TOP1MT: variants seen among roughly 807,000 people sequenced by gnomAD.
TOP1MT encodes the protein DNA topoisomerase I, mitochondrial.
Under a neutral mutation model 73.9 loss-of-function variants are expected in TOP1MT, and 80 were observed. The ratio of observed to expected loss-of-function variants is 1.08; its 90% confidence interval spans 0.90 to 1.30. The LOEUF is 1.30. TOP1MT is among the 50% of genes most tolerant of loss of function. The pLI is 0.00. For synonymous variants in TOP1MT, 338 were observed against 326.4 expected (o/e 1.04, Z -0.38); for missense variants, 815 against 808.0 (o/e 1.01, Z -0.10).
intron 2 of TOP1MT, among the ~76,000 whole-genome samples, chr8:143,342,178 T>TTAA (rs1817106849): frequency 9.5e-6 from 1 of 105,252 alleles, no homozygotes; most frequent in Admixed American, 9.3e-5. Context: ...TCTGTTATTA[T>TTAA]TAGAGACAGT....
chr8:143,311,613 C>T (rs1816016653), intron 12 of TOP1MT, among the ~76,000 whole-genome samples: 1 of 151,940 alleles, frequency 6.6e-6, no homozygotes, highest in Admixed American at 6.6e-5. Flanking sequence ...AGGCATGGTG[C>T]CGTGCACCTG....
At position 143,316,068 on chromosome 8, in the gene TOP1MT, G is replaced by A; in HGVS notation, c.1389C>T (p.Ala463=). The change falls in exon 11 of 14, where the codon GCC becomes GCT. Residue 463 remains alanine (A), a synonymous_variant. Transcript: ENST00000329245. The part of the protein sequence containing the change: ...LSYNRANRVV[A]ILCNHQRATP... ...TTGCTCGCTGATGGTTGCAGAGAAT[G>A]GCCACGACTCGGTTGGCTCGGTTGT... 12 of 1,614,142 alleles carry A rather than the reference G, an allele frequency of 7.4e-6. No homozygotes were observed. The highest frequency in any genetic ancestry group is 1.0e-5 in the Non-Finnish European group (12 of 1,179,986).
At chr8:143,358,941 G>A (rs545796719), upstream of TOP1MT, among the ~76,000 whole-genome samples, 11 of 152,136 alleles carry the variant, frequency 7.2e-5, no homozygotes, top group Non-Finnish European at 1.5e-4. Context: ...ATATTCCTGG[G>A]TGTGATATGC....
At chr8:143,328,482 C>G (rs927980423) in intron 3 of TOP1MT, among the ~76,000 whole-genome samples, 12 of 152,230 alleles carry the variant, frequency 7.9e-5, no homozygotes, top group African/African-American at 2.9e-4. Flanking sequence ...CAAACCACAC[C>G]CACGGCGAGG....
chr8:143,321,913 C>T (rs531264300), intron 7 of TOP1MT, among the ~76,000 whole-genome samples: 1,119 of 71,780 alleles, frequency 0.016, 13 homozygotes, highest in African/African-American at 0.047. Context: ...CACACACAGG[C>T]ACGCCACACA....
chr8:143,342,878 G>A (rs1000264820), intron 2 of TOP1MT, among the ~76,000 whole-genome samples: 7 of 150,808 alleles, frequency 4.6e-5, no homozygotes, highest in Non-Finnish European at 7.4e-5. Context: ...TCTGCCTCCC[G>A]GGTTCAAGCG....
At position 143,321,335 on chromosome 8, in the gene TOP1MT, C is replaced by T. The variant is rs114379623; in HGVS notation, c.1012G>A (p.Val338Met). The change falls in exon 8 of 14, where the codon GTG becomes ATG. Residue 338 changes from valine to methionine, a missense_variant. By Grantham distance (21) the Val-to-Met change is conservative. This residue lies in a region of TOP1MT where 751 missense variants were observed against 725.4 expected (regional missense o/e 1.04). Transcript: ENST00000329245. ...TCCACGCGGAGGGAACAGCAGCCCA[C>T]GGTGTCGGCCGCCTCACCGTCCTCC... ...EKEDGEAADT[V>M]GCCSLRVEHV... 3.1e-6 allele frequency: 5 copies of T among 1,601,036 alleles called. No homozygotes were observed. Among genetic ancestry groups the T allele is most frequent in the East Asian group, 2.2e-5 (1 of 44,580 alleles).
chr8:143,335,045 TC>T, upstream of TOP1MT: 2 of 568,046 alleles, frequency 3.5e-6, no homozygotes, highest in Non-Finnish European at 2.4e-6. Flanking sequence ...CCTGCCGGCC[TC>T]CCCCTGGTTT....
At chr8:143,318,126 C>A (rs1471310360) in intron 8 of TOP1MT, 40 bp from the exon 9 acceptor site, 1 of 1,599,704 alleles carries the variant, frequency 6.3e-7, no homozygotes, top group Non-Finnish European at 8.6e-7. Flanking sequence ...CAGAAAAAAC[C>A]CGAATCCAGT....
At position 143,341,155 on chromosome 8, in the gene TOP1MT, G is replaced by A. The variant is rs775617547; in HGVS notation, c.29+2065C>T. On this transcript the variant is annotated intron_variant, in intron 2 of 5. Coordinates refer to the TOP1MT transcript ENST00000518007. This position sits in a 1 kb window ranked among gnomAD's most constrained non-coding sequence, Gnocchi z 4.1. ...CCCGCCACCCTCTTCTCGTGCTGCC[G>A]CCCCAGTGCATCTCCCCACACGTTT... Among the ~76,000 whole-genome samples the A allele has an allele frequency of 4.5e-4, 69 of 152,020 alleles. No individual in the cohort carries two copies. Among genetic ancestry groups the A allele is most frequent in the Non-Finnish European group, 8.5e-4 (58 of 68,004 alleles).
intron 8 of TOP1MT, among the ~76,000 whole-genome samples, chr8:143,319,893 A>T (rs1288371049): frequency 6.6e-6 from 1 of 151,290 alleles, no homozygotes; most frequent in African/African-American, 2.4e-5. Flanking sequence ...TGGAAGGCTG[A>T]GGCAGGTAGA....
chr8:143,317,735 C>A lies in TOP1MT; in HGVS notation c.1318G>T (p.Ala440Ser). The change falls in exon 10 of 14, where the codon GCC becomes TCC. Residue 440 changes from alanine to serine, a missense_variant. Around this residue, in one of 3 missense-constraint regions of TOP1MT, gnomAD observed 751 missense variants for 725.4 expected, o/e 1.04. Transcript: ENST00000329245. ...ASITLQEQLRALTRAEDSIAA... is the reference protein window; with the variant it reads ...ASITLQEQLRSLTRAEDSIAA... ...GGGGCAGGCTCACCGCGCGTCAGGGCCCGCAGCTGCTCCTGCAGAGTGATG... is the reference window on the plus strand; with the variant it reads ...GGGGCAGGCTCACCGCGCGTCAGGGACCGCAGCTGCTCCTGCAGAGTGATG... 6.2e-7 allele frequency: 1 copy of A among 1,613,756 alleles called. No individual in the cohort carries two copies. Among genetic ancestry groups the A allele is most frequent in the Non-Finnish European group, 8.5e-7 (1 of 1,179,918 alleles).
chr8:143,331,511 G>T (rs1271811338), intron 1 of TOP1MT, among the ~76,000 whole-genome samples, 172 bp from the exon 2 acceptor site: 1 of 152,156 alleles, frequency 6.6e-6, no homozygotes, highest in Non-Finnish European at 1.5e-5. Flanking sequence ...CCTGACCTCA[G>T]ACCCCATGCC....
chr8:143,324,299 T>G (rs1356942686), intron 6 of TOP1MT, among the ~76,000 whole-genome samples, 157 bp from the exon 7 acceptor site: 7 of 152,216 alleles, frequency 4.6e-5, no homozygotes. Context: ...ATGCCGGCAG[T>G]GAGCACCCAT....
upstream of TOP1MT, among the ~76,000 whole-genome samples, chr8:143,356,764 C>G (rs1450923045): frequency 9.8e-6 from 1 of 102,222 alleles, no homozygotes; most frequent in Admixed American, 1.5e-4. Flanking sequence ...CCAGCCTGGG[C>G]AACAGAGTGA....
In TOP1MT at chr8:143,309,408, C is replaced by T. The variant is rs1413499340; in HGVS notation, c.*33G>A. 1.9e-6 allele frequency: 3 copies of T among 1,602,880 alleles called. No homozygotes were observed. Among genetic ancestry groups the T allele is most frequent in the Non-Finnish European group, 2.6e-6 (3 of 1,172,540 alleles). On this transcript the variant is annotated 3_prime_UTR_variant, in exon 14 of 14. Coordinates refer to ENST00000329245, the MANE Select transcript of TOP1MT (RefSeq NM_052963.3). ...GCTTTAATAGTGAAAAAAACACACA[C>T]ACATACAAAAGAAGTTTCAACACGG...
intron 2 of TOP1MT, among the ~76,000 whole-genome samples, chr8:143,342,229 ATTATT>A (rs1817110304): frequency 2.0e-5 from 2 of 101,590 alleles, no homozygotes. Context: ...GTCTCGCTCT[ATTATT>A]ATTATTATTA....
Position 143,342,820 on chromosome 8 carries a change from T to C in TOP1MT, c.29+400A>G, listed in dbSNP as rs930734248. On this transcript the variant is annotated intron_variant, in intron 2 of 5. Coordinates refer to the TOP1MT transcript ENST00000518007. ...TATTATTAGAGACAGAGTCTCGCTCTGTCACCCAGGCTGGAGTGCAGTGGC... is the reference window on the plus strand; with the variant it reads ...TATTATTAGAGACAGAGTCTCGCTCCGTCACCCAGGCTGGAGTGCAGTGGC... 7.2e-5 allele frequency among the ~76,000 whole-genome samples: 7 copies of C among 97,294 alleles called. 1 individual carries two copies. Among genetic ancestry groups the C allele is most frequent in the Non-Finnish European group, 1.2e-4 (5 of 41,068 alleles). 63.8% of individuals were successfully genotyped at this position (97,294 alleles called of 152,430 possible). A position where few individuals can be genotyped will look rare whatever the true frequency, so the allele number is the denominator to read the frequency against.
intron 12 of TOP1MT, among the ~76,000 whole-genome samples, chr8:143,312,006 T>C (rs967267167): frequency 6.6e-6 from 1 of 152,102 alleles, no homozygotes; most frequent in African/African-American, 2.4e-5. Context: ...AGCCCAGGCC[T>C]AGATGGTTTC....
Sources: gnomAD v4.1 joint callset for allele counts (sites outside exome capture counted in the v4.1 genomes callset) on GRCh38, gnomAD v4.1.1 for gene constraint, gnomAD v4.1.1 regional missense constraint, Gnocchi (gnomAD v3.1) non-coding constraint, MANE v1.5 for transcripts, NCBI Gene and HGNC (gene_info 2026-07-23, HGNC 2026-07-21) for gene names.